EDN1: variants seen among roughly 807,000 people sequenced by gnomAD.
EDN1 encodes the protein endothelin 1.
Under a neutral mutation model 21.7 loss-of-function variants are expected in EDN1, and 11 were observed. The ratio of observed to expected loss-of-function variants is 0.51; its 90% CI spans 0.32 to 0.84. EDN1 has a LOEUF of 0.84. EDN1 is among the 40% of genes least tolerant of loss of function. The pLI, the probability that EDN1 is intolerant of heterozygous loss-of-function variation, is 0.03. For missense variants in EDN1, 244 were observed against 262.3 expected (o/e 0.93, Z 0.48); for synonymous variants, 85 against 90.6 (o/e 0.94, Z 0.35).
chr6:12,291,923 C>T (rs1481918373), intron 1 of EDN1, among the ~76,000 whole-genome samples: 1 of 152,232 alleles, frequency 6.6e-6, no homozygotes, highest in East Asian at 1.9e-4. Flanking sequence ...CTAGGAATAA[C>T]TGTGATTTCT....
the EDN1 span, among the ~76,000 whole-genome samples, chr6:12,251,196 C>T: frequency 1.3e-5 from 2 of 152,080 alleles, no homozygotes; most frequent in Non-Finnish European, 2.9e-5. Context: ...AAGCCATACC[C>T]CAAAAAGCTA....
the EDN1 span, among the ~76,000 whole-genome samples, chr6:12,247,996 G>A: frequency 2.6e-5 from 4 of 152,010 alleles, no homozygotes; most frequent in Non-Finnish European, 5.9e-5. Flanking sequence ...AATCCAATGA[G>A]GCTGGTGTCC....
the EDN1 span, among the ~76,000 whole-genome samples, chr6:12,285,354 C>A: frequency 6.6e-6 from 1 of 152,026 alleles, no homozygotes; most frequent in East Asian, 1.9e-4. Context: ...ATTCTGGATG[C>A]CGGAACATCT....
chr6:12,234,750 T>C, the EDN1 span, among the ~76,000 whole-genome samples: 1 of 152,136 alleles, frequency 6.6e-6, no homozygotes, highest in Non-Finnish European at 1.5e-5. Context: ...TAACCTGTTC[T>C]CCAAGGTTAC....
In EDN1 at chr6:12,296,298, G is replaced by T. The variant is rs1475476676; in HGVS notation, c.*231G>T. ...GCTTTGGTCTCTTCTTTCATCTGGG[G>T]ATGACAATGGACCTCTCAGCAGAAA... On this transcript the variant is annotated 3_prime_UTR_variant, in exon 5 of 5. Coordinates refer to ENST00000379375, the MANE Select transcript of EDN1 (RefSeq NM_001955.5). 2.0e-6 allele frequency: 1 copy of T among 499,280 alleles called. No homozygotes were observed. Among genetic ancestry groups the T allele is most frequent in the Non-Finnish European group, 3.7e-6 (1 of 270,830 alleles). 30.9% of individuals were successfully genotyped at this position (499,280 alleles called of 1,614,324 possible).
At chr6:12,287,055 T>A (rs1361717606), upstream of EDN1, among the ~76,000 whole-genome samples, 4 of 151,630 alleles carry the variant, frequency 2.6e-5, no homozygotes, top group African/African-American at 9.7e-5. Context: ...AGGTTGAGGC[T>A]GCAGTGAGCT....
chr6:12,261,341 T>C, the EDN1 span, among the ~76,000 whole-genome samples: 1 of 152,186 alleles, frequency 6.6e-6, no homozygotes, highest in Non-Finnish European at 1.5e-5. Context: ...AATCTGCAAA[T>C]TGAAGGATAC....
At chr6:12,283,105 T>G in the EDN1 span, among the ~76,000 whole-genome samples, 1 of 152,168 alleles carries the variant, frequency 6.6e-6, no homozygotes, top group Non-Finnish European at 1.5e-5. Context: ...AAATCCTTAG[T>G]GTGAAATATA....
At chr6:12,255,839 T>A in the EDN1 span, among the ~76,000 whole-genome samples, 8 of 152,206 alleles carry the variant, frequency 5.3e-5, no homozygotes, top group South Asian at 8.3e-4. Context: ...CTAAAACAAA[T>A]ATTGAGAGAG....
the EDN1 span, among the ~76,000 whole-genome samples, chr6:12,252,866 A>G: frequency 6.6e-6 from 1 of 152,148 alleles, no homozygotes; most frequent in Non-Finnish European, 1.5e-5. Context: ...TTAGAAGATA[A>G]AGATAAAAAT....
At chr6:12,256,433 A>G in the EDN1 span, among the ~76,000 whole-genome samples, 1 of 152,110 alleles carries the variant, frequency 6.6e-6, no homozygotes, top group East Asian at 1.9e-4. Flanking sequence ...TGAACTCAAA[A>G]TGTTTAAAAT....
the EDN1 span, among the ~76,000 whole-genome samples, chr6:12,264,840 T>C: frequency 1.3e-5 from 2 of 152,300 alleles, no homozygotes; most frequent in East Asian, 1.9e-4. Context: ...AAGCAAAAGA[T>C]GACTAAGACA....
upstream of EDN1, among the ~76,000 whole-genome samples, chr6:12,289,882 G>C (rs1295419204): frequency 6.6e-6 from 1 of 152,174 alleles, no homozygotes; most frequent in Non-Finnish European, 1.5e-5. Flanking sequence ...TGACGAGGGA[G>C]AGCATTCCCT....
At chr6:12,287,712 T>TCTCTCA (rs1380647005), upstream of EDN1, among the ~76,000 whole-genome samples, 40 of 103,072 alleles carry the variant, frequency 3.9e-4, no homozygotes, top group African/African-American at 1.3e-3. Flanking sequence ...TCTCTCTCTC[T>TCTCTCA]CACACACACA....
chr6:12,230,712 A>G, the EDN1 span, among the ~76,000 whole-genome samples: 1 of 152,138 alleles, frequency 6.6e-6, no homozygotes, highest in South Asian at 2.1e-4. Context: ...ATTTTTCACC[A>G]CTCTGCATGT....
chr6:12,251,128 T>G, the EDN1 span, among the ~76,000 whole-genome samples: 1 of 152,242 alleles, frequency 6.6e-6, no homozygotes, highest in East Asian at 1.9e-4. Context: ...ATCACAACAC[T>G]CATTCATAAC....
Position 12,296,104 on chromosome 6 carries a change from C to A in EDN1, c.*37C>A, listed in dbSNP as rs760884925. On this transcript the variant is annotated 3_prime_UTR_variant, in exon 5 of 5. Coordinates refer to ENST00000379375, the MANE Select transcript of EDN1 (RefSeq NM_001955.5). ...GGCCTGTCTGAAGCCATAGCCTCCA[C>A]GGAGAGCCCTGTGGCCGACTCTGCA... 3.8e-6 allele frequency: 6 copies of A among 1,585,674 alleles called. No individual in the cohort carries two copies. Among genetic ancestry groups the A allele is most frequent in the South Asian group, 1.1e-5 (1 of 90,476 alleles).
At chr6:12,261,983 G>C in the EDN1 span, among the ~76,000 whole-genome samples, 10 of 152,102 alleles carry the variant, frequency 6.6e-5, no homozygotes, top group African/African-American at 2.4e-4. Flanking sequence ...CAGAGCAAAG[G>C]CATCAACAGA....
At chr6:12,240,395 T>C in the EDN1 span, among the ~76,000 whole-genome samples, 2 of 152,240 alleles carry the variant, frequency 1.3e-5, no homozygotes, top group Non-Finnish European at 2.9e-5. Flanking sequence ...CAGTGGGATC[T>C]GATAATATTT....
Sources: allele counts gnomAD v4.1 joint callset (sites outside exome capture counted in the v4.1 genomes callset), GRCh38; gene constraint gnomAD v4.1.1; transcripts MANE v1.5; gene names NCBI Gene and HGNC (gene_info 2026-07-23, HGNC 2026-07-21).